The following ZNF829 variants were observed in gnomAD, a reference collection of about 807,000 sequenced individuals.
ZNF829 encodes the protein zinc finger protein 829.
In ZNF829, 25 loss-of-function variants were observed where a neutral mutation model predicts 35.2. That is an observed-to-expected ratio of 0.71 (90% CI 0.52 to 0.99). The LOEUF is 0.99. ZNF829 is among the 50% of genes least tolerant of loss of function. The pLI, the probability that ZNF829 is intolerant of heterozygous loss-of-function variation, is 0.00. For synonymous variants in ZNF829, 136 were observed against 163.2 expected, an observed-to-expected ratio of 0.83 and a Z score of 1.27; for missense variants, 417 against 515.3, an observed-to-expected ratio of 0.81 and a Z score of 1.85.
Position 36,891,391 on chromosome 19 carries a change from CATAGGAGAACCTTTGATAAT to C in ZNF829, c.*81_*100del. ...TTATCGTATCGTTTAAAAACGAATACATAGGAGAACCTTTGATAATATGTATCCTAATTTGTTCTCCTTAC... is the reference window on the plus strand; with the variant it reads ...TTATCGTATCGTTTAAAAACGAATACATGTATCCTAATTTGTTCTCCTTAC... On this transcript the variant is annotated 3_prime_UTR_variant, in exon 6 of 6. Transcript: ENST00000391711. 1 of 1,238,646 alleles carries C rather than the reference CATAGGAGAACCTTTGATAAT, an allele frequency of 8.1e-7. No homozygotes were observed. Among genetic ancestry groups the C allele is most frequent in the Non-Finnish European group, 1.1e-6 (1 of 921,900 alleles). The allele number at this position is 1,238,646 out of a possible 1,614,324, so 76.7% of individuals were successfully genotyped here. A position where few individuals can be genotyped will look rare whatever the true frequency, so the allele number is the denominator to read the frequency against.
intron 5 of ZNF829, among the ~76,000 whole-genome samples, chr19:36,896,606 T>C (rs57904468): frequency 0.069 from 10,519 of 152,226 alleles, 912 homozygotes; most frequent in African/African-American, 0.2. Context: ...TTAAACTGGA[T>C]ATTAGACCAA....
intron 4 of ZNF829, 114 bp downstream of exon 4, chr19:36,908,219 C>A: frequency 6.9e-7 from 1 of 1,438,926 alleles, no homozygotes. Context: ...CAAACCATTC[C>A]TTAGGGAACA....
chr19:36,914,955 C>T lies in ZNF829; in HGVS notation c.96+10G>A. ...AATTTTCAGAAGAAAAAGAGGAAAC[C>T]CCAACACACCTTGGATACTGCTTGT... On this transcript the variant is annotated intron_variant, in intron 3 of 5. Transcript: ENST00000391711. 1 of 1,613,780 alleles carries T rather than the reference C, an allele frequency of 6.2e-7. No individual in the cohort carries two copies. Among genetic ancestry groups the T allele is most frequent in the Non-Finnish European group, 8.5e-7 (1 of 1,179,834 alleles).
At position 36,889,289 on chromosome 19, in the gene ZNF829, T is replaced by G. The variant is rs1455772024; in HGVS notation, c.*2203A>C. 1 of 152,184 alleles carries G rather than the reference T, an allele frequency of 6.6e-6. No homozygotes were observed. The highest frequency in any genetic ancestry group is 1.5e-5 in the Non-Finnish European group (1 of 68,024). 9.4% of individuals were successfully genotyped at this position (152,184 alleles called of 1,614,324 possible). A position where few individuals can be genotyped will look rare whatever the true frequency, so the allele number is the denominator to read the frequency against. On this transcript the variant is annotated 3_prime_UTR_variant, in exon 6 of 6. Transcript: ENST00000391711. Reference sequence around the variant, plus strand: ...GTTTTATCCTTGCCTGGCTTCAGTATCAGGATGATACTGGCTTTGTAGAAT... The same window carrying G: ...GTTTTATCCTTGCCTGGCTTCAGTAGCAGGATGATACTGGCTTTGTAGAAT...
chr19:36,899,548 A>G (rs1190036575), intron 5 of ZNF829, among the ~76,000 whole-genome samples: 1 of 151,928 alleles, frequency 6.6e-6, no homozygotes, highest in East Asian at 1.9e-4. Flanking sequence ...AGTGATGGGT[A>G]TCTAAATACC....
At chr19:36,910,868 G>T (rs879442022) in intron 3 of ZNF829, among the ~76,000 whole-genome samples, 24 of 152,078 alleles carry the variant, frequency 1.6e-4, no homozygotes, top group Non-Finnish European at 2.8e-4. Context: ...ATAGCCAGGT[G>T]TCGTGGCGCA....
chr19:36,915,785 T>TG, intron 1 of ZNF829: 2 of 1,378,616 alleles, frequency 1.5e-6, no homozygotes, highest in East Asian at 2.5e-5. Flanking sequence ...TTAGTAGAGA[T>TG]GGGGTTTCAC....
chr19:36,899,906 ATTT>A (rs112933950), intron 5 of ZNF829, among the ~76,000 whole-genome samples: 1 of 151,686 alleles, frequency 6.6e-6, no homozygotes, highest in African/African-American at 2.4e-5. Flanking sequence ...TCATATAAAA[ATTT>A]TTTTTTAAAC....
At chr19:36,893,650 C>A (rs1368141242) in intron 5 of ZNF829, among the ~76,000 whole-genome samples, 1 of 152,070 alleles carries the variant, frequency 6.6e-6, no homozygotes. Flanking sequence ...AGATATTGGG[C>A]AAATAAAATG....
intron 3 of ZNF829, among the ~76,000 whole-genome samples, chr19:36,910,315 C>T (rs756866008): frequency 1.4e-4 from 22 of 152,150 alleles, no homozygotes; most frequent in Non-Finnish European, 2.6e-4. Context: ...AAACTCCTGA[C>T]CTCAAGTGAT....
chr19:36,905,094 T>A (rs1396137864), intron 5 of ZNF829, among the ~76,000 whole-genome samples: 1 of 152,166 alleles, frequency 6.6e-6, no homozygotes, highest in Non-Finnish European at 1.5e-5. Context: ...ACCATTAACT[T>A]CTACTTGGAT....
At chr19:36,908,206 A>T in intron 4 of ZNF829, 127 bp downstream of exon 4, 3 of 1,386,224 alleles carry the variant, frequency 2.2e-6, no homozygotes, top group Non-Finnish European at 3.0e-6. Flanking sequence ...TTCTATTTTA[A>T]CTCAAACCAT....
rs748693239 is a variant in ZNF829 at position 36,891,718 on chromosome 19, C to T, written c.1073G>A (p.Arg358Lys). The change falls in exon 6 of 6, where the codon AGA becomes AAA. Residue 358 changes from arginine (R) to lysine (K), a missense_variant. By Grantham distance (26) the Arg-to-Lys change is conservative. Transcript: ENST00000391711. The part of the protein sequence containing the change: ...GEKLYECEEC[R>K]KAFIQSSELI... ...TTCTGAGCTCTGAATAAAGGCCTTT[C>T]TACATTCTTCACATTCATAGAGCTT... 2.5e-6 allele frequency: 4 copies of T among 1,614,096 alleles called. No individual in the cohort carries two copies. Among genetic ancestry groups the T allele is most frequent in the East Asian group, 4.5e-5 (2 of 44,868 alleles).
chr19:36,912,128 C>A (rs972045683), intron 3 of ZNF829, among the ~76,000 whole-genome samples: 1 of 151,542 alleles, frequency 6.6e-6, no homozygotes, highest in African/African-American at 2.4e-5. Flanking sequence ...AAGCTCAGGG[C>A]GAGGAAATCA....
At chr19:36,901,749 C>A in intron 5 of ZNF829, 1 of 521,398 alleles carries the variant, frequency 1.9e-6, no homozygotes, top group South Asian at 2.4e-5. Flanking sequence ...AGAATGGCTC[C>A]CACAAAGAAG....
intron 5 of ZNF829, among the ~76,000 whole-genome samples, chr19:36,902,382 C>T (rs1001394558): frequency 2.6e-5 from 4 of 152,082 alleles, no homozygotes; most frequent in African/African-American, 9.7e-5. Context: ...CGCCTGTAAT[C>T]CCAGCACTTT....
intron 3 of ZNF829, among the ~76,000 whole-genome samples, chr19:36,910,082 G>GA (rs139977215): frequency 5.3e-5 from 8 of 150,308 alleles, no homozygotes; most frequent in East Asian, 3.9e-4. Context: ...AACATTTCTT[G>GA]AAAAATTTTT....
At chr19:36,900,589 T>A (rs1268833209) in intron 5 of ZNF829, among the ~76,000 whole-genome samples, 1 of 152,014 alleles carries the variant, frequency 6.6e-6, no homozygotes, top group Non-Finnish European at 1.5e-5. Flanking sequence ...GGCTCACTCC[T>A]GTAATCCCAG....
intron 3 of ZNF829, 113 bp downstream of exon 3, chr19:36,914,852 C>T (rs2073297067): frequency 1.1e-6 from 1 of 933,486 alleles, no homozygotes; most frequent in African/African-American, 1.7e-5. Context: ...ATTCAGCAAG[C>T]ATAAGTGGAG....
Sources: allele counts gnomAD v4.1 joint callset (sites outside exome capture counted in the v4.1 genomes callset), GRCh38; gene constraint gnomAD v4.1.1; transcripts MANE v1.5; gene names NCBI Gene and HGNC (gene_info 2026-07-23, HGNC 2026-07-21).